The following ZSCAN5A variants were observed in gnomAD, a reference collection of about 807,000 sequenced individuals.
ZSCAN5A encodes the protein zinc finger and SCAN domain-containing protein 5A.
Under a neutral mutation model 23.7 loss-of-function variants are expected in ZSCAN5A, and 12 were observed. The observed-to-expected ratio is 0.51, with a 90% CI of 0.32 to 0.82. The LOEUF is 0.82. ZSCAN5A is among the 40% of genes least tolerant of loss of function. The probability of loss-of-function intolerance (pLI) is 0.03; values close to 1 mark genes in which losing one functional copy is unlikely to be tolerated. For synonymous variants in ZSCAN5A, 257 were observed against 239.9 expected, an observed-to-expected ratio of 1.07 and a Z score of -0.66; for missense variants, 597 against 617.9, an observed-to-expected ratio of 0.97 and a Z score of 0.36.
intron 2 of ZSCAN5A, chr19:56,245,113 C>T (rs1568638679): frequency 3.3e-6 from 1 of 299,136 alleles, no homozygotes; most frequent in Non-Finnish European, 5.9e-6. Flanking sequence ...ATTGGGAAGG[C>T]AGATTTGAAC....
chr19:56,345,092 C>G (rs992498806), intron 2 of ZSCAN5A, among the ~76,000 whole-genome samples: 1 of 150,826 alleles, frequency 6.6e-6, no homozygotes, highest in African/African-American at 2.5e-5. Context: ...GGCAACAGAG[C>G]GAGACTACAT....
At chr19:56,290,963 T>G (rs1033640156) in intron 2 of ZSCAN5A, among the ~76,000 whole-genome samples, 4 of 152,078 alleles carry the variant, frequency 2.6e-5, no homozygotes, top group Admixed American at 2.0e-4. Context: ...GAACACAAGT[T>G]GAGAGGGACC....
At chr19:56,337,844 T>C (rs1235829304) in intron 2 of ZSCAN5A, among the ~76,000 whole-genome samples, 1 of 152,260 alleles carries the variant, frequency 6.6e-6, no homozygotes, top group East Asian at 1.9e-4. Flanking sequence ...CGTGTGCAGG[T>C]ACATGTTGCT....
rs116445006 is a variant in ZSCAN5A, at chr19:56,271,232, C to T, written c.-128+42051G>A. On this transcript the variant is annotated intron_variant, in intron 2 of 5. Transcript: ENST00000683990. ...ACCACTGCCAGCTTCCTTATGCCAA[C>T]GGCCTCCAACCAGGCACTCTTGAAG... Among the ~76,000 whole-genome samples, 995 of 152,284 alleles carry T rather than the reference C, an allele frequency of 6.5e-3. 14 individuals carry two copies. Among genetic ancestry groups the T allele is most frequent in the African/African-American group, 0.023 (953 of 41,566 alleles).
chr19:56,320,327 G>T, intron 2 of ZSCAN5A: 1 of 378,646 alleles, frequency 2.6e-6, no homozygotes, highest in South Asian at 2.2e-5. Context: ...AGGAGTTTGA[G>T]ACCAGCCTGA....
intron 2 of ZSCAN5A, among the ~76,000 whole-genome samples, chr19:56,350,676 T>C (rs760296713): frequency 3.3e-5 from 5 of 152,110 alleles, no homozygotes; most frequent in Non-Finnish European, 7.3e-5. Flanking sequence ...TTGCAATCCA[T>C]TGGTGTAACT....
chr19:56,349,632 G>A (rs2041655054), intron 2 of ZSCAN5A, among the ~76,000 whole-genome samples: 1 of 147,694 alleles, frequency 6.8e-6, no homozygotes, highest in Admixed American at 6.8e-5. Context: ...TTGAACCCGG[G>A]AGGTGGAGGT....
chr19:56,245,358 C>G (rs756353853), intron 2 of ZSCAN5A: 1 of 751,508 alleles, frequency 1.3e-6, no homozygotes, highest in South Asian at 1.4e-5. Flanking sequence ...GAGATGCGTC[C>G]GGGGGAAGGC....
intron 2 of ZSCAN5A, among the ~76,000 whole-genome samples, chr19:56,360,118 G>A (rs1052525741): frequency 1.3e-5 from 2 of 152,174 alleles, no homozygotes; most frequent in African/African-American, 4.8e-5. Context: ...CAAATAGGAA[G>A]AGAAGAAGTC....
chr19:56,242,785 C>CT (rs1007045367), intron 2 of ZSCAN5A, among the ~76,000 whole-genome samples: 27 of 98,766 alleles, frequency 2.7e-4, no homozygotes, highest in Middle Eastern at 6.8e-3. Context: ...TTCTTTCTCT[C>CT]TTTTTTTTTT....
intron 1 of ZSCAN5A, among the ~76,000 whole-genome samples, chr19:56,365,271 A>G (rs1024762202): frequency 6.6e-6 from 1 of 152,216 alleles, no homozygotes; most frequent in African/African-American, 2.4e-5. Context: ...TGTCTTAGCA[A>G]TCTCTTTAGC....
chr19:56,259,086 T>C (rs1344251929), intron 2 of ZSCAN5A, among the ~76,000 whole-genome samples: 1 of 152,190 alleles, frequency 6.6e-6, no homozygotes, highest in Non-Finnish European at 1.5e-5. Flanking sequence ...CCACCACCGA[T>C]TTCCTGACCC....
intron 2 of ZSCAN5A, among the ~76,000 whole-genome samples, chr19:56,255,773 A>G (rs1424473017): frequency 6.6e-6 from 1 of 152,146 alleles, no homozygotes; most frequent in East Asian, 1.9e-4. Flanking sequence ...AATGAGTCCC[A>G]AAGCACCTGG....
intron 2 of ZSCAN5A, among the ~76,000 whole-genome samples, chr19:56,289,642 C>A (rs1372170325): frequency 2.0e-5 from 3 of 152,110 alleles, no homozygotes; most frequent in Non-Finnish European, 4.4e-5. Flanking sequence ...GAGATGGGTT[C>A]TCACTTTGTT....
At chr19:56,320,377 T>C (rs1400741494) in intron 2 of ZSCAN5A, 1 of 339,524 alleles carries the variant, frequency 2.9e-6, no homozygotes, top group East Asian at 7.5e-5. Context: ...AAATACAAAA[T>C]TAGCCAGGCG....
intron 2 of ZSCAN5A, among the ~76,000 whole-genome samples, chr19:56,356,344 G>T (rs2041700447): frequency 6.7e-6 from 1 of 148,776 alleles, no homozygotes; most frequent in South Asian, 2.1e-4. Flanking sequence ...GAAGCGAGAA[G>T]AAAGGCAGTT....
chr19:56,222,031 C>T lies in ZSCAN5A; in HGVS notation c.1035G>A (p.Pro345=), dbSNP rs765875730. Reference sequence around the variant, plus strand: ...GCAGTGCCTTGGCTTCTTGGCCATCCGGGTGACTGACTGGGCTCGCAGGGC... The same window carrying T: ...GCAGTGCCTTGGCTTCTTGGCCATCTGGGTGACTGACTGGGCTCGCAGGGC... The part of the protein sequence containing the change: ...SPGPASPVSH[P]DGQEAKALPP... The change falls in exon 6 of 6, where the codon CCG becomes CCA. Residue 345 remains proline (P), a synonymous_variant. Coordinates refer to ENST00000683990, the MANE Select transcript of ZSCAN5A (RefSeq NM_001322064.3). 2.4e-5 allele frequency: 39 copies of T among 1,614,128 alleles called. No homozygotes were observed. The highest frequency in any genetic ancestry group is 1.6e-4 in the Middle Eastern group (1 of 6,062).
intron 2 of ZSCAN5A, among the ~76,000 whole-genome samples, chr19:56,291,980 GGCAAGTATTATTCATCT>G (rs1309247231): frequency 3.3e-5 from 5 of 152,118 alleles, no homozygotes; most frequent in Admixed American, 3.3e-4. Flanking sequence ...TTCTTCACAA[GGCAAGTATTATTCATCT>G]GCACTTGACT....
rs773385519 is a variant in ZSCAN5A at position 56,245,232 on chromosome 19, A to G, written c.-127-20059T>C. The G allele has an allele frequency of 8.0e-6, 5 of 622,282 alleles. No homozygotes were observed. The African/African-American group carries it at 9.2e-5, about 11-fold the overall frequency. 38.5% of individuals were successfully genotyped at this position (622,282 alleles called of 1,614,324 possible). A position where few individuals can be genotyped will look rare whatever the true frequency, so the allele number is the denominator to read the frequency against. On this transcript the variant is annotated intron_variant, in intron 2 of 5. Coordinates refer to ENST00000683990, the MANE Select transcript of ZSCAN5A (RefSeq NM_001322064.3). Reference sequence around the variant, plus strand: ...TTTTTCTCTCTACAGTCTGTGGTCAATTTTCTTGGCAAGGAATATCTTATG... The same window carrying G: ...TTTTTCTCTCTACAGTCTGTGGTCAGTTTTCTTGGCAAGGAATATCTTATG...
Sources: gnomAD v4.1 joint callset for allele counts (sites outside exome capture counted in the v4.1 genomes callset) on GRCh38, gnomAD v4.1.1 for gene constraint, MANE v1.5 for transcripts, NCBI Gene and HGNC (gene_info 2026-07-23, HGNC 2026-07-21) for gene names.